JAKMIP1: variants seen among roughly 807,000 people sequenced by gnomAD.
The protein encoded by JAKMIP1 is janus kinase and microtubule interacting protein 1, also known as janus kinase and microtubule-interacting protein 1.
A neutral mutation model predicts 113.0 loss-of-function variants in JAKMIP1; 33 were observed. That is an observed-to-expected ratio of 0.29 (90% CI 0.22 to 0.39). The LOEUF is 0.39. Among genes scored for constraint, JAKMIP1 ranks in the 10% least tolerant of loss-of-function variants. The pLI is 1.00. For synonymous variants in JAKMIP1, 480 were observed against 459.9 expected, an observed-to-expected ratio of 1.04 and a Z score of -0.56; for missense variants, 813 against 1,080.5, an observed-to-expected ratio of 0.75 and a Z score of 3.47.
intron 1 of JAKMIP1, among the ~76,000 whole-genome samples, chr4:6,160,935 TCTCCACTTATCTCCCCTGAC>T (rs1316368143): frequency 3.7e-5 from 4 of 108,016 alleles, no homozygotes; most frequent in Non-Finnish European, 7.4e-5. Context: ...ACCTCCCCGA[TCTCCACTTATCTCCCCTGAC>T]CTCCACTCAC....
intron 1 of JAKMIP1, among the ~76,000 whole-genome samples, chr4:6,120,110 T>C (rs17767306): frequency 0.16 from 23,684 of 151,772 alleles, 2,353 homozygotes; most frequent in Middle Eastern, 0.32. Flanking sequence ...AAAATATGAA[T>C]GGGCTAGGTT....
At chr4:6,120,782 G>A (rs573747205) in intron 1 of JAKMIP1, among the ~76,000 whole-genome samples, 8 of 152,248 alleles carry the variant, frequency 5.3e-5, no homozygotes, top group South Asian at 4.2e-4. Context: ...CCTTCCATGC[G>A]TCCTTTATGG....
At chr4:6,073,451 C>T (rs1225668132) in intron 8 of JAKMIP1, among the ~76,000 whole-genome samples, 7 of 152,192 alleles carry the variant, frequency 4.6e-5, no homozygotes, top group South Asian at 4.1e-4. Flanking sequence ...TGGTTCCCAG[C>T]GCAGTCCCCA....
rs1213882554 is a variant in JAKMIP1, at chr4:6,181,756, C to A, written c.-148+18497G>T. Among the ~76,000 whole-genome samples the A allele has an allele frequency of 6.6e-6, 1 of 152,188 alleles. No homozygotes were observed. Among genetic ancestry groups the A allele is most frequent in the Non-Finnish European group, 1.5e-5 (1 of 68,028 alleles). ...ATCCTAGTGCCTGTTCCATGCCAGA[C>A]CCTGTGCTGAGCCTCAAACATGAAT... On this transcript the variant is annotated intron_variant, in intron 1 of 20. Transcript: ENST00000409021. The surrounding 1 kb of genome is among the most constrained non-coding windows in gnomAD (Gnocchi z 5.4).
chr4:6,156,487 T>C lies in JAKMIP1; in HGVS notation c.-147-43490A>G, dbSNP rs1722253490. ...ATTAGCTGCCAACACAGCTAACAGA[T>C]TGTTGTGCATTTCCTTTCTTATAAT... On this transcript the variant is annotated intron_variant, in intron 1 of 20. Transcript: ENST00000409021. This position sits in a 1 kb window ranked among gnomAD's most constrained non-coding sequence, Gnocchi z 5.0. 6.6e-6 allele frequency among the ~76,000 whole-genome samples: 1 copy of C among 152,186 alleles called. No homozygotes were observed. The highest frequency in any genetic ancestry group is 1.5e-5 in the Non-Finnish European group (1 of 68,028).
rs1276301179 is a variant in JAKMIP1, at chr4:6,176,076, A to G, written c.-148+24177T>C. On this transcript the variant is annotated intron_variant, in intron 1 of 20. Transcript: ENST00000409021. The surrounding 1 kb of genome is among the most constrained non-coding windows in gnomAD (Gnocchi z 5.5). ...CAGATACTTCCCAGGCATTAAAGAT[A>G]CAGAGATGAACATGGTGTAATGCTC... 1.3e-5 allele frequency among the ~76,000 whole-genome samples: 2 copies of G among 152,258 alleles called. No individual in the cohort carries two copies. Among genetic ancestry groups the G allele is most frequent in the African/African-American group, 4.8e-5 (2 of 41,468 alleles).
At chr4:6,152,739 C>T (rs1243884473) in intron 1 of JAKMIP1, among the ~76,000 whole-genome samples, 1 of 149,662 alleles carries the variant, frequency 6.7e-6, no homozygotes, top group East Asian at 2.0e-4. Context: ...GTCAGGAGTT[C>T]GAGACCAGCC....
chr4:6,144,838 T>C (rs1391505628), intron 1 of JAKMIP1, among the ~76,000 whole-genome samples: 1 of 152,212 alleles, frequency 6.6e-6, no homozygotes, highest in East Asian at 1.9e-4. Context: ...ATGTCTGTTC[T>C]TGTCAATTCT....
rs1346542491 is a variant in JAKMIP1, at chr4:6,143,830, G to A, written c.-147-30833C>T. 2.0e-5 allele frequency among the ~76,000 whole-genome samples: 3 copies of A among 152,338 alleles called. No individual in the cohort carries two copies. The highest frequency in any genetic ancestry group is 1.9e-4 in the East Asian group (1 of 5,186). On this transcript the variant is annotated intron_variant, in intron 1 of 20. Coordinates refer to ENST00000409021, the MANE Select transcript of JAKMIP1 (RefSeq NM_001099433.2). This position sits in a 1 kb window ranked among gnomAD's most constrained non-coding sequence, Gnocchi z 4.9. ...AAAAAAGAACAATTTCTGGTCATCA[G>A]GGAATAACAGAAGGCTTGTAGGACC...
rs1717980535 is a variant in JAKMIP1, at chr4:6,065,798, G to C, written c.1303-790C>G. On this transcript the variant is annotated intron_variant, in intron 8 of 20. Transcript: ENST00000409021. This position sits in a 1 kb window ranked among gnomAD's most constrained non-coding sequence, Gnocchi z 5.1. ...ATAGGATATGGGGCTTCATTCATCT[G>C]TCTATCAATTCATTCACTCAGAAAA... 6.6e-6 allele frequency among the ~76,000 whole-genome samples: 1 copy of C among 152,118 alleles called. No individual in the cohort carries two copies. Among genetic ancestry groups the C allele is most frequent in the Admixed American group, 6.5e-5 (1 of 15,270 alleles).
At chr4:6,038,528 C>G (rs1271068091) in intron 18 of JAKMIP1, among the ~76,000 whole-genome samples, 1 of 152,222 alleles carries the variant, frequency 6.6e-6, no homozygotes, top group African/African-American at 2.4e-5. Flanking sequence ...TAACCGGTAT[C>G]CCTCCATCAC....
At position 6,075,487 on chromosome 4, in the gene JAKMIP1, C is replaced by T. The variant is rs147371416; in HGVS notation, c.1302+3452G>A. On this transcript the variant is annotated intron_variant, in intron 8 of 20. Coordinates refer to ENST00000409021, the MANE Select transcript of JAKMIP1 (RefSeq NM_001099433.2). ...AAAACTTGGTCCACACGGAAGTCTA[C>T]ACTGAATCTTGAGAAAAAGAAAAAA... 5.5e-3 allele frequency among the ~76,000 whole-genome samples: 842 copies of T among 152,272 alleles called. 1 individual carries two copies. Among genetic ancestry groups the T allele is most frequent in the Middle Eastern group, 0.027 (8 of 294 alleles).
At chr4:6,114,484 G>A (rs1391897837) in intron 1 of JAKMIP1, among the ~76,000 whole-genome samples, 1 of 152,188 alleles carries the variant, frequency 6.6e-6, no homozygotes, top group Admixed American at 6.5e-5. Context: ...CAACACCAGT[G>A]CATCCAGCAA....
intron 1 of JAKMIP1, among the ~76,000 whole-genome samples, chr4:6,173,927 A>T (rs567701534): frequency 3.9e-5 from 6 of 152,246 alleles, no homozygotes; most frequent in Non-Finnish European, 8.8e-5. Context: ...AATACAAAAA[A>T]AAAATTTAGC....
intron 1 of JAKMIP1, among the ~76,000 whole-genome samples, chr4:6,125,845 ACACCCC>A (rs1404902008): frequency 3.2e-5 from 1 of 31,526 alleles, no homozygotes; most frequent in African/African-American, 1.7e-4. Flanking sequence ...AAACACACAC[ACACCCC>A]CCATACAGAA....
intron 11 of JAKMIP1, 103 bp from the exon 12 acceptor site, chr4:6,056,862 A>T: frequency 2.4e-6 from 2 of 820,586 alleles, no homozygotes; most frequent in East Asian, 2.4e-5. Context: ...CTGACCATGG[A>T]AAGGTCATAA....
At chr4:6,166,567 G>A (rs1050823074) in intron 1 of JAKMIP1, among the ~76,000 whole-genome samples, 4 of 152,248 alleles carry the variant, frequency 2.6e-5, no homozygotes, top group African/African-American at 4.8e-5. Flanking sequence ...TCCTGCAGCC[G>A]CGCTGAAATC....
At chr4:6,182,179 G>A (rs748775118) in intron 1 of JAKMIP1, among the ~76,000 whole-genome samples, 69 of 151,940 alleles carry the variant, frequency 4.5e-4, no homozygotes, top group Non-Finnish European at 7.9e-4. Context: ...TTGGGAGGCC[G>A]GGGAAGGTGG....
rs1299199918 is a variant in JAKMIP1 at position 6,050,411 on chromosome 4, A to G, written c.1908+167T>C. Reference sequence around the variant, plus strand: ...CTGTTTTAAACATATGGGTCAAAATAGAGTCACATTTGGTGACCCTTTAAT... The same window carrying G: ...CTGTTTTAAACATATGGGTCAAAATGGAGTCACATTTGGTGACCCTTTAAT... On this transcript the variant is annotated intron_variant, in intron 14 of 20. Coordinates refer to ENST00000409021, the MANE Select transcript of JAKMIP1 (RefSeq NM_001099433.2). The surrounding 1 kb of genome is among the most constrained non-coding windows in gnomAD (Gnocchi z 7.4). Among the ~76,000 whole-genome samples, 2 of 152,266 alleles carry G rather than the reference A, an allele frequency of 1.3e-5. No homozygotes were observed. The highest frequency in any genetic ancestry group is 1.3e-4 in the Admixed American group (2 of 15,288).
Sources: gnomAD v4.1 joint callset for allele counts (sites outside exome capture counted in the v4.1 genomes callset) on GRCh38, gnomAD v4.1.1 for gene constraint, Gnocchi (gnomAD v3.1) non-coding constraint, MANE v1.5 for transcripts, NCBI Gene and HGNC (gene_info 2026-07-23, HGNC 2026-07-21) for gene names.